AGO2: variants seen among roughly 807,000 people sequenced by gnomAD.
AGO2 encodes argonaute RISC catalytic component 2, also known as protein argonaute-2.
AGO2 carries 5 observed loss-of-function variants against 102.3 expected under a neutral mutation model. That is an observed-to-expected ratio of 0.05 (90% confidence interval 0.03 to 0.10). AGO2 has a LOEUF of 0.10. Among genes scored for constraint, AGO2 ranks in the 10% least tolerant of loss-of-function variants. AGO2 has a pLI of 1.00. For missense variants in AGO2, 541 were observed against 1,183.7 expected (o/e 0.46, Z 7.97); for synonymous variants, 449 against 473.1 (o/e 0.95, Z 0.66).
chr8:140,568,241 G>A (rs1588465255), intron 3 of AGO2, among the ~76,000 whole-genome samples: 1 of 139,942 alleles, frequency 7.1e-6, no homozygotes, highest in Non-Finnish European at 1.5e-5. Context: ...CTGACATCGT[G>A]CTACTGCACT....
intron 1 of AGO2, among the ~76,000 whole-genome samples, chr8:140,587,591 C>T (rs1303883507): frequency 6.6e-6 from 1 of 152,210 alleles, no homozygotes; most frequent in African/African-American, 2.4e-5. Flanking sequence ...AGTGTGCAGA[C>T]ACAACCCCCA....
At chr8:140,609,999 G>GCC (rs1355411647) in intron 1 of AGO2, among the ~76,000 whole-genome samples, 3 of 136,998 alleles carry the variant, frequency 2.2e-5, no homozygotes, top group African/African-American at 8.0e-5. Context: ...TTCAAAACCA[G>GCC]CCTGGGAAAT....
chr8:140,577,148 C>T (rs942526207), intron 2 of AGO2, among the ~76,000 whole-genome samples: 6 of 137,968 alleles, frequency 4.3e-5, no homozygotes, highest in Admixed American at 1.8e-4. Context: ...GCGGAGCTTG[C>T]AGTGAGCCGA....
chr8:140,619,184 C>T (rs1035926604), intron 1 of AGO2, among the ~76,000 whole-genome samples: 27 of 152,182 alleles, frequency 1.8e-4, no homozygotes, highest in Non-Finnish European at 5.9e-5. Flanking sequence ...ACACAGCCAC[C>T]CGCACCTGGC....
At chr8:140,615,843 G>C (rs2074135910) in intron 1 of AGO2, among the ~76,000 whole-genome samples, 1 of 152,278 alleles carries the variant, frequency 6.6e-6, no homozygotes, top group Admixed American at 6.5e-5. Context: ...TGTCTCTCTG[G>C]GGCTTTGTTT....
intron 3 of AGO2, among the ~76,000 whole-genome samples, chr8:140,562,899 G>A (rs1564088712): frequency 6.6e-6 from 1 of 152,160 alleles, no homozygotes; most frequent in Non-Finnish European, 1.5e-5. Context: ...GGTCGAAAAC[G>A]TATCCTCGTT....
chr8:140,560,851 T>C lies in AGO2; in HGVS notation c.519-341A>G, dbSNP rs2073187184. On this transcript the variant is annotated intron_variant, in intron 4 of 18. Coordinates refer to ENST00000220592, the MANE Select transcript of AGO2 (RefSeq NM_012154.5). ...GCCTCGCCTTACTGTCCTCACTGTC[T>C]ACTCTTCACCTCTTGGGGCCTGTGT... Among the ~76,000 whole-genome samples the C allele has an allele frequency of 2.0e-5, 3 of 152,238 alleles. No individual in the cohort carries two copies. The South Asian group carries it at 6.2e-4, about 32-fold the overall frequency.
intron 1 of AGO2, among the ~76,000 whole-genome samples, chr8:140,594,825 C>CTGTGTGTGTGTGTGTGTGTGTGTGTG (rs56012516): frequency 9.6e-5 from 14 of 146,126 alleles, no homozygotes; most frequent in African/African-American, 3.3e-4. Context: ...AAGAAAAAAA[C>CTGTGTGTGTGTGTGTGTGTGTGTGTG]TGTGTGTGTG....
intron 1 of AGO2, among the ~76,000 whole-genome samples, chr8:140,627,867 G>A (rs1385645796): frequency 6.6e-6 from 1 of 152,062 alleles, no homozygotes; most frequent in Non-Finnish European, 1.5e-5. Flanking sequence ...TCCACTGTGG[G>A]ACACCCAACA....
upstream of AGO2, among the ~76,000 whole-genome samples, chr8:140,639,382 G>A (rs545721514): frequency 6.6e-6 from 1 of 152,178 alleles, no homozygotes; most frequent in Non-Finnish European, 1.5e-5. Flanking sequence ...TCGGGAGGCT[G>A]AGGCAGGAGA....
intron 1 of AGO2, among the ~76,000 whole-genome samples, chr8:140,620,563 G>A (rs944927819): frequency 1.3e-5 from 2 of 152,136 alleles, no homozygotes; most frequent in African/African-American, 2.4e-5. Context: ...ACAATAAAAA[G>A]CCCTTTAAAA....
chr8:140,594,699 C>T (rs557932522), intron 1 of AGO2, among the ~76,000 whole-genome samples: 35 of 152,026 alleles, frequency 2.3e-4, no homozygotes, highest in African/African-American at 8.2e-4. Flanking sequence ...CCCAGCTACT[C>T]GGGGGTGCTG....
chr8:140,538,219 G>A (rs974480389), intron 16 of AGO2, among the ~76,000 whole-genome samples: 4 of 152,278 alleles, frequency 2.6e-5, no homozygotes, highest in African/African-American at 9.6e-5. Context: ...CCTTCCCTGT[G>A]TCCTTGCACA....
In AGO2 at chr8:140,549,121, G is replaced by A. The variant is rs141243761; in HGVS notation, c.1581C>T (p.Pro527=). 96 of 1,607,734 alleles carry A rather than the reference G, an allele frequency of 6.0e-5. No individual in the cohort carries two copies. The African/African-American group carries it at 9.9e-4, about 17-fold the overall frequency. The change falls in exon 12 of 19, where the codon CCC becomes CCT. Residue 527 remains proline (P), a synonymous_variant. Transcript: ENST00000220592. The part of the protein sequence containing the change: ...LVVVILPGKT[P]VYAEVKRVGD... ...GGGAGCGCCCACACCTACCGTACAC[G>A]GGCGTCTTGCCGGGCAGGATGACCA...
At chr8:140,548,282 C>T (rs2072936537) in intron 12 of AGO2, among the ~76,000 whole-genome samples, 1 of 145,600 alleles carries the variant, frequency 6.9e-6, no homozygotes, top group African/African-American at 2.6e-5. Context: ...CACCACTGCA[C>T]TCCAGGCTAG....
intron 1 of AGO2, among the ~76,000 whole-genome samples, chr8:140,603,487 G>A (rs1233816520): frequency 2.6e-5 from 4 of 152,108 alleles, no homozygotes; most frequent in Non-Finnish European, 4.4e-5. Flanking sequence ...GGGCACCTTC[G>A]TCACCCCCAA....
chr8:140,555,883 G>T lies in AGO2; in HGVS notation c.1269+13C>A. ...GCCCCGCAGCCACACGTTCCCCGCC[G>T]CCCCACACGTACCCTGCCCCCGTAG... On this transcript the variant is annotated intron_variant, in intron 10 of 18. Coordinates refer to ENST00000220592, the MANE Select transcript of AGO2 (RefSeq NM_012154.5). 6.2e-7 allele frequency: 1 copy of T among 1,610,866 alleles called. No homozygotes were observed. The highest frequency in any genetic ancestry group is 8.5e-7 in the Non-Finnish European group (1 of 1,178,588).
intron 12 of AGO2, 148 bp downstream of exon 12, chr8:140,548,966 C>T: frequency 1.0e-6 from 1 of 986,264 alleles, no homozygotes; most frequent in Non-Finnish European, 1.4e-6. Context: ...GCAGTGATGA[C>T]AAGCCACCTC....
At chr8:140,549,359 C>T (rs2072956532) in intron 11 of AGO2, 61 bp from the exon 12 acceptor site, 5 of 1,497,800 alleles carry the variant, frequency 3.3e-6, no homozygotes, top group African/African-American at 2.8e-5. Context: ...TCAGGCCGAC[C>T]AGAGGCTCTA....
Sources: allele counts gnomAD v4.1 joint callset (sites outside exome capture counted in the v4.1 genomes callset), GRCh38; gene constraint gnomAD v4.1.1; transcripts MANE v1.5; gene names NCBI Gene and HGNC (gene_info 2026-07-23, HGNC 2026-07-21).